The following ZNF175 variants were observed in gnomAD, a reference collection of about 807,000 sequenced individuals.
ZNF175 encodes the protein zinc finger protein 175.
ZNF175 carries 8 observed loss-of-function variants against 14.0 expected under a neutral mutation model. The observed-to-expected ratio is 0.57, with a 90% CI of 0.34 to 1.03. ZNF175 has a LOEUF of 1.03. ZNF175 is among the 50% of genes least tolerant of loss of function. The pLI, the probability that ZNF175 is intolerant of heterozygous loss-of-function variation, is 0.03. For missense variants in ZNF175, 764 were observed against 849.5 expected (o/e 0.90, Z 1.25); for synonymous variants, 255 against 296.8 (o/e 0.86, Z 1.45).
In ZNF175 at chr19:51,592,377, T is replaced by C. The variant is rs192233150; in HGVS notation, c.*3910T>C. On this transcript the variant is annotated 3_prime_UTR_variant, in exon 5 of 5. Coordinates refer to ENST00000262259, the MANE Select transcript of ZNF175 (RefSeq NM_007147.4). ...CCTTGTGGCTCCTTTGCAGATTACA[T>C]GCGTTAATTATGTAAAGTCAAGCAT... 1.4e-4 allele frequency: 58 copies of C among 416,506 alleles called. No homozygotes were observed. Among genetic ancestry groups the C allele is most frequent in the African/African-American group, 1.1e-3 (53 of 48,704 alleles). The allele number at this position is 416,506 out of a possible 1,614,324, so 25.8% of individuals were successfully genotyped here.
Position 51,587,233 on chromosome 19 carries a change from A to G in ZNF175, c.902A>G (p.His301Arg), listed in dbSNP as rs770528002. The G allele has an allele frequency of 2.5e-6, 4 of 1,614,236 alleles. No individual in the cohort carries two copies. In the South Asian group the frequency reaches 4.4e-5, roughly 18 times the overall value. Reference protein sequence around the residue: ...KSHLFAQQRIHSVGNLHECGK... With the variant: ...KSHLFAQQRIRSVGNLHECGK... ...CACCTCTTTGCCCAACAGAGAATTC[A>G]TAGTGTAGGAAACCTCCATGAATGT... The change falls in exon 5 of 5, where the codon CAT (histidine) becomes CGT (arginine). Residue 301 changes from histidine to arginine, a missense_variant. Coordinates refer to ENST00000262259, the MANE Select transcript of ZNF175 (RefSeq NM_007147.4).
chr19:51,581,654 G>A (rs1288181601), intron 3 of ZNF175, 133 bp from the exon 4 acceptor site: 1 of 1,513,372 alleles, frequency 6.6e-7, no homozygotes, highest in East Asian at 2.3e-5. Flanking sequence ...TGTTTCTTTT[G>A]GGCACCTTCT....
chr19:51,576,150 T>TG lies in ZNF175; in HGVS notation c.72+2749_72+2750insG, dbSNP rs1312105760. ...GCTATTTCAGGGACAGTTTTTTTTT[T>TG]TGTTTTTTTTTTTTTTTGAGACAGA... On this transcript the variant is annotated intron_variant, in intron 2 of 4. Coordinates refer to ENST00000262259, the MANE Select transcript of ZNF175 (RefSeq NM_007147.4). 2.9e-3 allele frequency among the ~76,000 whole-genome samples: 362 copies of TG among 124,580 alleles called. 3 individuals are homozygous for TG. The highest frequency in any genetic ancestry group is 3.7e-3 in the Non-Finnish European group (213 of 58,290). 81.7% of individuals were successfully genotyped at this position (124,580 alleles called of 152,430 possible).
rs748110561 is a variant in ZNF175, at chr19:51,573,377, A to G, written c.48A>G (p.Pro16=). ...CCCAGAAGCCTCAGGTCCTGGGTCC[A>G]GAGAAGCAGGATGGATCTTGCGAGG... ...NLSQKPQVLG[P]EKQDGSCEAS... Residue 16 remains proline, a synonymous_variant, in exon 2 of 5, where the codon CCA becomes CCG. Coordinates refer to ENST00000262259, the MANE Select transcript of ZNF175 (RefSeq NM_007147.4). 1 of 1,612,508 alleles carries G rather than the reference A, an allele frequency of 6.2e-7. No individual in the cohort carries two copies. The highest frequency in any genetic ancestry group is 1.1e-5 in the South Asian group (1 of 90,862).
chr19:51,576,770 G>T (rs1981802262), intron 2 of ZNF175, among the ~76,000 whole-genome samples: 1 of 150,578 alleles, frequency 6.6e-6, no homozygotes, highest in South Asian at 2.1e-4. Context: ...CAAGTGTCCA[G>T]TTCCTTGTGT....
rs771940043 is a variant in ZNF175, at chr19:51,588,190, G to A, written c.1859G>A (p.Cys620Tyr). 7 of 1,613,896 alleles carry A rather than the reference G, an allele frequency of 4.3e-6. No individual in the cohort carries two copies. In the South Asian group the frequency reaches 6.6e-5, roughly 15 times the overall value. The change falls in exon 5 of 5, where the codon TGT becomes TAT. Residue 620 changes from cysteine to tyrosine, a missense_variant. Cys to Tyr is a radical substitution (Grantham distance 194). Transcript: ENST00000262259. ...GAGAGGCCTTTTGTCTGTTACAAAT[G>A]TGGGAAGGCTTTTGTCCAGAAATCA... ...TRERPFVCYKCGKAFVQKSEL... is the reference protein window; with the variant it reads ...TRERPFVCYKYGKAFVQKSEL...
chr19:51,585,189 T>C (rs989080990), intron 4 of ZNF175, among the ~76,000 whole-genome samples: 2 of 152,206 alleles, frequency 1.3e-5, no homozygotes, highest in African/African-American at 4.8e-5. Flanking sequence ...GGATGAATCT[T>C]ATCATGATGC....
At chr19:51,573,502 C>A in intron 2 of ZNF175, 101 bp downstream of exon 2, 2 of 1,172,576 alleles carry the variant, frequency 1.7e-6, no homozygotes, top group Non-Finnish European at 2.5e-6. Context: ...CTTGAGCCTC[C>A]TGTCAAGCGA....
chr19:51,573,301 G>A lies in ZNF175; in HGVS notation c.-29G>A, dbSNP rs1196448172. 6.2e-7 allele frequency: 1 copy of A among 1,611,352 alleles called. No individual in the cohort carries two copies. Among genetic ancestry groups the A allele is most frequent in the Middle Eastern group, 1.7e-4 (1 of 6,058 alleles). ...GGGAAAAGTGGAGTTGTCAGCAAGA[G>A]AGACCGAGAGTAGAAGCCCAGAGTG... On this transcript the variant is annotated 5_prime_UTR_variant, in exon 2 of 5. Transcript: ENST00000262259.
At chr19:51,582,498 CCT>C (rs898250576) in intron 4 of ZNF175, among the ~76,000 whole-genome samples, 45 of 152,096 alleles carry the variant, frequency 3.0e-4, no homozygotes, top group South Asian at 6.2e-4. Flanking sequence ...AGGGTTTCAC[CCT>C]GTTAGCCAGG....
chr19:51,578,533 C>G lies in ZNF175; in HGVS notation c.73-2858C>G, dbSNP rs1381978933. On this transcript the variant is annotated intron_variant, in intron 2 of 4. Transcript: ENST00000262259. ...CTATAACCCCAGCACATTGGGAGGC[C>G]AAGATGGGAGGATTGCTTGAGCCCA... Among the ~76,000 whole-genome samples, 3 of 152,296 alleles carry G rather than the reference C, an allele frequency of 2.0e-5. No homozygotes were observed. In the East Asian group the frequency reaches 5.8e-4, roughly 29 times the overall value.
intron 2 of ZNF175, among the ~76,000 whole-genome samples, chr19:51,580,304 G>GTTAATATCTAATTAATATC (rs1981954940): frequency 1.3e-5 from 2 of 151,960 alleles, no homozygotes; most frequent in Non-Finnish European, 2.9e-5. Context: ...ATCATATTAG[G>GTTAATATCTAATTAATATC]TGCACTTTAA....
chr19:51,578,693 G>A lies in ZNF175; in HGVS notation c.73-2698G>A, dbSNP rs531733428. Reference sequence around the variant, plus strand: ...TGACACGGGAGAATCACTTGAGCCCGGAGGTCGAGGCTGCAGTGAGCTGTG... The same window carrying A: ...TGACACGGGAGAATCACTTGAGCCCAGAGGTCGAGGCTGCAGTGAGCTGTG... On this transcript the variant is annotated intron_variant, in intron 2 of 4. Transcript: ENST00000262259. Among the ~76,000 whole-genome samples, 1,006 of 152,272 alleles carry A rather than the reference G, an allele frequency of 6.6e-3. 6 individuals carry two copies. Among genetic ancestry groups the A allele is most frequent in the African/African-American group, 0.023 (943 of 41,546 alleles).
At chr19:51,576,279 A>G (rs1981787688) in intron 2 of ZNF175, among the ~76,000 whole-genome samples, 1 of 151,528 alleles carries the variant, frequency 6.6e-6, no homozygotes, top group South Asian at 2.1e-4. Flanking sequence ...TCTCCTGAGT[A>G]GCTGGGATTA....
chr19:51,581,774 T>G lies in ZNF175; in HGVS notation c.200-13T>G. Reference sequence around the variant, plus strand: ...AAGCTACACCCAAATCCAGTATCCTTTCTAATTAACAGGGTATCACATTCC... The same window carrying G: ...AAGCTACACCCAAATCCAGTATCCTGTCTAATTAACAGGGTATCACATTCC... On this transcript the variant is annotated splice_polypyrimidine_tract_variant and intron_variant, in intron 3 of 4. Transcript: ENST00000262259. The G allele has an allele frequency of 6.2e-7, 1 of 1,613,042 alleles. No homozygotes were observed. Among genetic ancestry groups the G allele is most frequent in the Non-Finnish European group, 8.5e-7 (1 of 1,179,766 alleles).
chr19:51,586,898 T>G lies in ZNF175; in HGVS notation c.567T>G (p.Ala189=). Residue 189 remains alanine (A), a synonymous_variant, in exon 5 of 5, where the codon GCT becomes GCG. Transcript: ENST00000262259. The part of the protein sequence containing the change: ...GKMIRTRPHL[A]SSQKQPQKCC... ...TGATTCGCACGAGGCCCCACCTTGC[T>G]TCTTCACAGAAACAACCTCAGAAAT... 3 of 1,614,184 alleles carry G rather than the reference T, an allele frequency of 1.9e-6. No homozygotes were observed. The highest frequency in any genetic ancestry group is 3.3e-5 in the Admixed American group (2 of 60,034).
chr19:51,573,620 A>T, intron 2 of ZNF175: 2 of 541,466 alleles, frequency 3.7e-6, no homozygotes, highest in Non-Finnish European at 6.4e-6. Flanking sequence ...TGGGTCAAGA[A>T]AGAAGAAACT....
In ZNF175 at chr19:51,587,886, A is replaced by C; in HGVS notation, c.1555A>C (p.Asn519His). 1.2e-6 allele frequency: 2 copies of C among 1,614,174 alleles called. No individual in the cohort carries two copies. Among genetic ancestry groups the C allele is most frequent in the Non-Finnish European group, 1.7e-6 (2 of 1,180,020 alleles). The part of the protein sequence containing the change: ...GKTFTQKSHL[N>H]IHQKIHTGER... ...AACCTTCACCCAAAAGTCACACCTGAATATACACCAGAAAATTCATACTGG... is the reference window on the plus strand; with the variant it reads ...AACCTTCACCCAAAAGTCACACCTGCATATACACCAGAAAATTCATACTGG... The change falls in exon 5 of 5, where the codon AAT becomes CAT. Residue 519 changes from asparagine to histidine, a missense_variant. Coordinates refer to ENST00000262259, the MANE Select transcript of ZNF175 (RefSeq NM_007147.4).
At position 51,588,927 on chromosome 19, in the gene ZNF175, T is replaced by C. The variant is rs1263850449; in HGVS notation, c.*460T>C. 1 of 384,522 alleles carries C rather than the reference T, an allele frequency of 2.6e-6. No homozygotes were observed. The highest frequency in any genetic ancestry group is 4.4e-5 in the Admixed American group (1 of 22,816). 23.8% of individuals were successfully genotyped at this position (384,522 alleles called of 1,614,324 possible). Reference sequence around the variant, plus strand: ...TGTGTGTGTGTGCGCCTTATGTATATAAGCATATATATAATATATAAGCAT... The same window carrying C: ...TGTGTGTGTGTGCGCCTTATGTATACAAGCATATATATAATATATAAGCAT... On this transcript the variant is annotated 3_prime_UTR_variant, in exon 5 of 5. Coordinates refer to ENST00000262259, the MANE Select transcript of ZNF175 (RefSeq NM_007147.4).
Sources: gnomAD v4.1 joint callset for allele counts (sites outside exome capture counted in the v4.1 genomes callset) on GRCh38, gnomAD v4.1.1 for gene constraint, MANE v1.5 for transcripts, NCBI Gene and HGNC (gene_info 2026-07-23, HGNC 2026-07-21) for gene names.